Variants in ZNF44 observed in about 807,000 individuals in gnomAD.
The protein encoded by ZNF44 is gonadotropin inducible transcription repressor-2.
Under a neutral mutation model 11.7 loss-of-function variants are expected in ZNF44, and 9 were observed. The observed-to-expected ratio is 0.77, with a 90% CI of 0.46 to 1.35. ZNF44 has a LOEUF of 1.35. Among genes scored for constraint, ZNF44 ranks in the 40% most tolerant of loss-of-function variants. The probability of loss-of-function intolerance (pLI) is 0.00; values close to 1 mark genes in which losing one functional copy is unlikely to be tolerated. For synonymous variants in ZNF44, 224 were observed against 242.7 expected (o/e 0.92, Z 0.72); for missense variants, 696 against 743.1 (o/e 0.94, Z 0.74).
upstream of ZNF44, among the ~76,000 whole-genome samples, chr19:12,238,708 A>G (rs1242577192): frequency 6.6e-6 from 1 of 151,918 alleles, no homozygotes; most frequent in Non-Finnish European, 1.5e-5. Flanking sequence ...AGGCAGGACA[A>G]TCACTTGAAC....
chr19:12,246,972 C>T (rs998012431), downstream of ZNF44, among the ~76,000 whole-genome samples: 17 of 151,570 alleles, frequency 1.1e-4, no homozygotes, highest in Non-Finnish European at 2.1e-4. Context: ...AGTTGGCGAC[C>T]AGCCTGGGCA....
intron 1 of ZNF44, among the ~76,000 whole-genome samples, chr19:12,286,088 C>A (rs1967734577): frequency 1.3e-5 from 2 of 152,054 alleles, no homozygotes; most frequent in Non-Finnish European, 2.9e-5. Context: ...TGACCCATAG[C>A]CTCAGATTTT....
exon 8 of ZNF44, chr19:12,247,681 C>G (rs765481961): frequency 7.4e-6 from 10 of 1,353,546 alleles, no homozygotes; most frequent in Non-Finnish European, 9.8e-6. Flanking sequence ...TTCCCACATT[C>G]CTTACATTTG....
chr19:12,260,300 TGTG>T lies in ZNF44; in HGVS notation c.1913-9935_1913-9933del, dbSNP rs936312766. The T allele has an allele frequency of 5.3e-5, 45 of 848,376 alleles. No homozygotes were observed. In the Admixed American group the frequency reaches 7.8e-4, roughly 15 times the overall value. 52.6% of individuals were successfully genotyped at this position (848,376 alleles called of 1,614,324 possible). A position where few individuals can be genotyped will look rare whatever the true frequency, so the allele number is the denominator to read the frequency against. On this transcript the variant is annotated intron_variant and NMD_transcript_variant, in intron 5 of 7. Transcript: ENST00000393337. Reference sequence around the variant, plus strand: ...TGGAGCCGGCAGCCGAGGACAAAGGTGTGGTGGTGGTCACGAAGCAGAGATCCG... The same window carrying T: ...TGGAGCCGGCAGCCGAGGACAAAGGTGTGGTGGTCACGAAGCAGAGATCCG...
chr19:12,293,229 C>T, intron 1 of ZNF44: 1 of 1,536,216 alleles, frequency 6.5e-7, no homozygotes, highest in Non-Finnish European at 8.7e-7. Context: ...CCAGTGCATC[C>T]ACCTGATCCT....
At chr19:12,242,585 G>C (rs937553742), upstream of ZNF44, 2 of 150,516 alleles carry the variant, frequency 1.3e-5, no homozygotes, top group Non-Finnish European at 2.9e-5. Context: ...CACTTCGAGA[G>C]GCCAAGGCAG....
exon 8 of ZNF44, chr19:12,247,967 C>T (rs771510452): frequency 1.5e-6 from 2 of 1,348,774 alleles, no homozygotes; most frequent in Admixed American, 4.0e-5. Context: ...CAGTATGAGT[C>T]TTTTCATGTC....
Position 12,272,780 on chromosome 19 carries a change from CA to C in ZNF44, c.1474del (p.Cys492ValfsTer28), listed in dbSNP as rs1568442093. On this transcript the variant is annotated frameshift_variant, in exon 4 of 4. Transcript: ENST00000355684. LOFTEE classifies it low-confidence loss of function (END_TRUNC). ...GKAFSSFKYF[C>X]RHERTHSEEK... ...TTCACTGTGAGTCCTTTCATGGCGA[CA>C]AAAGTATTTAAAAGAACTAAATGCT... 3.1e-6 allele frequency: 5 copies of C among 1,613,714 alleles called. No homozygotes were observed. The South Asian group carries it at 4.4e-5, about 14-fold the overall frequency.
At chr19:12,271,209 T>C (rs1360605056), downstream of ZNF44, among the ~76,000 whole-genome samples, 1 of 152,142 alleles carries the variant, frequency 6.6e-6, no homozygotes, top group Non-Finnish European at 1.5e-5. Context: ...TAACATCCTT[T>C]GATTGAAAAA....
At chr19:12,245,044 C>G (rs940869804), downstream of ZNF44, among the ~76,000 whole-genome samples, 1 of 152,154 alleles carries the variant, frequency 6.6e-6, no homozygotes, top group African/African-American at 2.4e-5. Context: ...CAAAAGCATG[C>G]TTTGTTCCTG....
intron 1 of ZNF44, among the ~76,000 whole-genome samples, chr19:12,279,316 T>C (rs997526211): frequency 6.6e-6 from 1 of 151,976 alleles, no homozygotes; most frequent in Non-Finnish European, 1.5e-5. Context: ...AGGCCAGGAG[T>C]TTGAGACCAG....
At chr19:12,285,673 T>C (rs1243385180) in intron 1 of ZNF44, among the ~76,000 whole-genome samples, 1 of 152,162 alleles carries the variant, frequency 6.6e-6, no homozygotes, top group Non-Finnish European at 1.5e-5. Context: ...TGTTAGCATG[T>C]AGAGACAAAA....
At chr19:12,258,185 AT>A (rs1568432854) in intron 5 of ZNF44, among the ~76,000 whole-genome samples, 1 of 142,096 alleles carries the variant, frequency 7.0e-6, no homozygotes. Flanking sequence ...AAAAAAAAAA[AT>A]TAGCTGAGCA....
rs1467958607 is a variant in ZNF44, at chr19:12,271,999, T to G, written c.*408A>C. The stretch of plus-strand genomic sequence containing the variant: ...AACTCTATTTGAAAGAAATGGAAAC[T>G]TTTTTTTTTTTTTTTGAGATGGAGT... On this transcript the variant is annotated 3_prime_UTR_variant, in exon 4 of 4. Transcript: ENST00000355684. 1 of 89,426 alleles carries G rather than the reference T, an allele frequency of 1.1e-5. No homozygotes were observed. Among genetic ancestry groups the G allele is most frequent in the African/African-American group, 4.6e-5 (1 of 21,850 alleles). 5.5% of individuals were successfully genotyped at this position (89,426 alleles called of 1,614,324 possible). A position where few individuals can be genotyped will look rare whatever the true frequency, so the allele number is the denominator to read the frequency against.
rs186291476 is a variant in ZNF44 at position 12,279,656 on chromosome 19, A to G, written c.4-3574T>C. On this transcript the variant is annotated intron_variant, in intron 1 of 3. Coordinates refer to ENST00000355684, the MANE Select transcript of ZNF44 (RefSeq NM_016264.4). ...TTTAACTTAGTAAAGACAATAATAA[A>G]CAAAGAACTAAGAGAAAACCAGAAA... Among the ~76,000 whole-genome samples, 592 of 152,164 alleles carry G rather than the reference A, an allele frequency of 3.9e-3. 3 individuals are homozygous for G. The highest frequency in any genetic ancestry group is 0.013 in the African/African-American group (560 of 41,528).
intron 5 of ZNF44, among the ~76,000 whole-genome samples, chr19:12,255,084 G>A (rs1055213709): frequency 8.8e-5 from 12 of 135,598 alleles, no homozygotes; most frequent in African/African-American, 1.7e-4. Flanking sequence ...GTGAGACTCC[G>A]TCTCAAAACA....
At chr19:12,225,165 C>A (rs986254372), downstream of ZNF44, 5 of 152,488 alleles carry the variant, frequency 3.3e-5, no homozygotes, top group Admixed American at 2.6e-4. Context: ...CTACTTCCTG[C>A]TGACGAGGGG....
rs757099885 is a variant in ZNF44, at chr19:12,273,099, C to T, written c.1156G>A (p.Ala386Thr). 12 of 1,613,592 alleles carry T rather than the reference C, an allele frequency of 7.4e-6. No homozygotes were observed. In the South Asian group the frequency reaches 7.7e-5, roughly 10 times the overall value. ...TTATGAGGGCCATCTCCAGTGTGTG[C>T]CATCATGTGTCTTCGAAAGCTTGAG... ...HRSSFRRHMMAHTGDGPHKCT... is the reference protein window; with the variant it reads ...HRSSFRRHMMTHTGDGPHKCT... Residue 386 changes from alanine to threonine, a missense_variant, in exon 4 of 4, where the codon GCA becomes ACA. Transcript: ENST00000355684.
At chr19:12,236,705 C>T (rs1369222093) in intron 1 of ZNF44, among the ~76,000 whole-genome samples, 1 of 152,186 alleles carries the variant, frequency 6.6e-6, no homozygotes, top group Non-Finnish European at 1.5e-5. Flanking sequence ...TACTGGTTAA[C>T]CTTTCATATA....
Sources: gnomAD v4.1 joint callset for allele counts (sites outside exome capture counted in the v4.1 genomes callset) on GRCh38, gnomAD v4.1.1 for gene constraint, MANE v1.5 for transcripts, NCBI Gene and HGNC (gene_info 2026-07-23, HGNC 2026-07-21) for gene names.